Variants in EEFSEC observed in about 807,000 individuals in gnomAD.
The protein encoded by EEFSEC is eukaryotic elongation factor, selenocysteine-tRNA specific, also known as selenocysteine-specific elongation factor.
EEFSEC carries 43 observed loss-of-function variants against 42.1 expected under a neutral mutation model. The ratio of observed to expected loss-of-function variants is 1.02; its 90% confidence interval spans 0.80 to 1.32. The LOEUF is 1.32. Ranked by LOEUF, EEFSEC falls within the 40% of genes most tolerant of loss-of-function variation. The pLI, the probability that EEFSEC is intolerant of heterozygous loss-of-function variation, is 0.00. For missense variants in EEFSEC, 745 were observed against 803.6 expected (o/e 0.93, Z 0.88); for synonymous variants, 354 against 339.1 (o/e 1.04, Z -0.48).
In EEFSEC at chr3:128,332,703, C is replaced by G. The variant is rs555520324; in HGVS notation, c.787-8530C>G. Among the ~76,000 whole-genome samples, 108 of 152,290 alleles carry G rather than the reference C, an allele frequency of 7.1e-4. No individual in the cohort carries two copies. The South Asian group carries it at 0.01, about 14-fold the overall frequency. ...TGACCTGAGGTTCCCTCTCGCAGCC[C>G]CAGAGGTGGTGCTGGGGAGCTGGGA... On this transcript the variant is annotated intron_variant, in intron 4 of 6. Coordinates refer to ENST00000254730, the MANE Select transcript of EEFSEC (RefSeq NM_021937.5).
At chr3:128,366,295 T>G (rs1267777161) in intron 6 of EEFSEC, among the ~76,000 whole-genome samples, 1 of 152,248 alleles carries the variant, frequency 6.6e-6, no homozygotes, top group African/African-American at 2.4e-5. Context: ...CCTGGGTGAC[T>G]TGTAGCATGA....
intron 6 of EEFSEC, among the ~76,000 whole-genome samples, chr3:128,386,926 A>G (rs2067846370): frequency 6.6e-6 from 1 of 152,212 alleles, no homozygotes; most frequent in African/African-American, 2.4e-5. Context: ...TCACATTTCA[A>G]CATGATATTT....
At chr3:128,348,244 G>A (rs920819632) in intron 5 of EEFSEC, among the ~76,000 whole-genome samples, 1 of 148,832 alleles carries the variant, frequency 6.7e-6, no homozygotes, top group Non-Finnish European at 1.5e-5. Context: ...GAGATACAAA[G>A]TGTGCATGCG....
intron 1 of EEFSEC, among the ~76,000 whole-genome samples, chr3:128,201,043 G>T (rs192145032): frequency 6.6e-6 from 1 of 152,260 alleles, no homozygotes; most frequent in Non-Finnish European, 1.5e-5. Flanking sequence ...TCTTATCCAT[G>T]CACCACCTTT....
rs2066671676 is a variant in EEFSEC, at chr3:128,293,679, A to AAAC, written c.786+28900_786+28901insCAA. ...CTATCTCAAAAAAAAAAAAAAAAAA[A>AAAC]AAAAAAAACTTCCCTTATAGGATCA... On this transcript the variant is annotated intron_variant, in intron 4 of 6. Coordinates refer to ENST00000254730, the MANE Select transcript of EEFSEC (RefSeq NM_021937.5). 2.2e-4 allele frequency among the ~76,000 whole-genome samples: 29 copies of AAAC among 133,456 alleles called. 3 individuals carry two copies. The highest frequency in any genetic ancestry group is 1.2e-3 in the South Asian group (5 of 4,218). 87.6% of individuals were successfully genotyped at this position (133,456 alleles called of 152,430 possible). A position where few individuals can be genotyped will look rare whatever the true frequency, so the allele number is the denominator to read the frequency against.
At chr3:128,389,500 G>A (rs531076617) in intron 6 of EEFSEC, among the ~76,000 whole-genome samples, 1 of 152,252 alleles carries the variant, frequency 6.6e-6, no homozygotes, top group South Asian at 2.1e-4. Flanking sequence ...CAGGCCTAGA[G>A]CCCAGGTTTC....
downstream of EEFSEC, among the ~76,000 whole-genome samples, chr3:128,412,642 G>C (rs555252755): frequency 4.7e-4 from 71 of 152,364 alleles, no homozygotes; most frequent in African/African-American, 1.7e-3. Context: ...CATAGCTCCA[G>C]ACCCCCCAGC....
At chr3:128,318,457 G>A (rs895852788) in intron 4 of EEFSEC, among the ~76,000 whole-genome samples, 12 of 152,136 alleles carry the variant, frequency 7.9e-5, no homozygotes, top group Admixed American at 2.0e-4. Flanking sequence ...TGTCCCACCC[G>A]TTCCTGCTCC....
chr3:128,264,872 G>A (rs1559893009), intron 4 of EEFSEC, 91 bp downstream of exon 4: 19 of 1,445,166 alleles, frequency 1.3e-5, no homozygotes, highest in Non-Finnish European at 1.7e-5. Flanking sequence ...TGAGCCTGCT[G>A]CTGTGCCTGC....
At chr3:128,378,939 G>T (rs995693595) in intron 6 of EEFSEC, among the ~76,000 whole-genome samples, 1 of 152,202 alleles carries the variant, frequency 6.6e-6, no homozygotes, top group African/African-American at 2.4e-5. Flanking sequence ...CTGACTGGTC[G>T]GCCAGGGAGA....
At chr3:128,275,732 T>TAA (rs1289422681) in intron 4 of EEFSEC, among the ~76,000 whole-genome samples, 9 of 152,230 alleles carry the variant, frequency 5.9e-5, no homozygotes, top group Non-Finnish European at 1.3e-4. Flanking sequence ...CAGTATGTGC[T>TAA]AAAGCCCAGA....
chr3:128,293,660 C>CAAAAAAAAAAAAA (rs759485696), intron 4 of EEFSEC, among the ~76,000 whole-genome samples: 856 of 13,948 alleles, frequency 0.061, 33 homozygotes, highest in Middle Eastern at 0.083. Flanking sequence ...GACTCTATCT[C>CAAAAAAAAAAAAA]AAAAAAAAAA....
intron 6 of EEFSEC, among the ~76,000 whole-genome samples, chr3:128,400,123 C>G (rs2068031934): frequency 6.6e-6 from 1 of 152,228 alleles, no homozygotes; most frequent in South Asian, 2.1e-4. Flanking sequence ...GCAGCTCCCT[C>G]TTGGCCAGGC....
At position 128,318,448 on chromosome 3, in the gene EEFSEC, G is replaced by T. The variant is rs114641554; in HGVS notation, c.787-22785G>T. The stretch of plus-strand genomic sequence containing the variant: ...AGCAGGCAGCAGCCATTAGCTCCCT[G>T]TCCCACCCGTTCCTGCTCCAGCACA... On this transcript the variant is annotated intron_variant, in intron 4 of 6. Transcript: ENST00000254730. Among the ~76,000 whole-genome samples the T allele has an allele frequency of 2.4e-3, 369 of 152,282 alleles. 2 individuals are homozygous for T. Among genetic ancestry groups the T allele is most frequent in the African/African-American group, 8.5e-3 (354 of 41,558 alleles).
chr3:128,420,060 A>C, the EEFSEC span, among the ~76,000 whole-genome samples: 2 of 152,178 alleles, frequency 1.3e-5, no homozygotes, highest in Admixed American at 6.5e-5. Context: ...AGAGACATGG[A>C]GACGGGAAGA....
At chr3:128,420,442 G>A in the EEFSEC span, among the ~76,000 whole-genome samples, 857 of 152,342 alleles carry the variant, frequency 5.6e-3, 8 homozygotes, top group African/African-American at 0.02. Flanking sequence ...CAGCCTCCCA[G>A]GAGAGGGCAC....
At chr3:128,295,438 G>GTACT (rs1374444843) in intron 4 of EEFSEC, among the ~76,000 whole-genome samples, 1 of 69,412 alleles carries the variant, frequency 1.4e-5, no homozygotes, top group Non-Finnish European at 3.2e-5. Context: ...GCATTTTTCT[G>GTACT]TACTTCCCCC....
chr3:128,250,793 G>A (rs527807232), intron 2 of EEFSEC, among the ~76,000 whole-genome samples: 1 of 152,012 alleles, frequency 6.6e-6, no homozygotes, highest in African/African-American at 2.4e-5. Flanking sequence ...AATTTTGATA[G>A]GTATTGCATT....
chr3:128,237,546 G>A (rs2066025697), intron 1 of EEFSEC, among the ~76,000 whole-genome samples: 1 of 152,176 alleles, frequency 6.6e-6, no homozygotes, highest in African/African-American at 2.4e-5. Context: ...GGTCAGAGAG[G>A]GAAAGATCCT....
Sources: gnomAD v4.1 joint callset for allele counts (sites outside exome capture counted in the v4.1 genomes callset) on GRCh38, gnomAD v4.1.1 for gene constraint, MANE v1.5 for transcripts, NCBI Gene and HGNC (gene_info 2026-07-23, HGNC 2026-07-21) for gene names.